The following DAP3 variants were observed in gnomAD, a reference collection of about 807,000 sequenced individuals.
DAP3 encodes small ribosomal subunit protein mS29.
A neutral mutation model predicts 51.9 loss-of-function variants in DAP3; 28 were observed. That is an observed-to-expected ratio of 0.54 (90% CI 0.40 to 0.74). The LOEUF (loss-of-function observed/expected upper bound fraction) is 0.74, where lower values mean the gene tolerates loss of function less well. Among genes scored for constraint, DAP3 ranks in the 30% least tolerant of loss-of-function variants. DAP3 has a pLI of 0.00. For synonymous variants in DAP3, 170 were observed against 170.3 expected, an observed-to-expected ratio of 1.00 and a Z score of 0.01; for missense variants, 458 against 483.5, an observed-to-expected ratio of 0.95 and a Z score of 0.49.
intron 1 of DAP3, among the ~76,000 whole-genome samples, chr1:155,700,169 T>A (rs1297129564): frequency 6.6e-6 from 1 of 152,030 alleles, no homozygotes; most frequent in Non-Finnish European, 1.5e-5. Context: ...TCTCTTGACT[T>A]CATGATCTGC....
intron 1 of DAP3, among the ~76,000 whole-genome samples, chr1:155,705,821 C>T (rs1423794565): frequency 6.6e-6 from 1 of 152,026 alleles, no homozygotes; most frequent in Non-Finnish European, 1.5e-5. Context: ...CCGCCTCAGC[C>T]TCCTGAGTAG....
At chr1:155,720,617 C>T (rs1201852256) in intron 3 of DAP3, among the ~76,000 whole-genome samples, 4 of 151,410 alleles carry the variant, frequency 2.6e-5, no homozygotes, top group African/African-American at 4.9e-5. Flanking sequence ...CATTACACTT[C>T]GGCCTGGGCA....
At chr1:155,721,844 C>T (rs1658059009) in intron 4 of DAP3, 1 of 530,418 alleles carries the variant, frequency 1.9e-6, no homozygotes, top group South Asian at 3.2e-5. Context: ...CCAGTAATTT[C>T]AGCATCAAAT....
intron 1 of DAP3, among the ~76,000 whole-genome samples, chr1:155,698,253 A>G (rs1654774761): frequency 6.6e-6 from 1 of 152,240 alleles, no homozygotes; most frequent in Non-Finnish European, 1.5e-5. Flanking sequence ...AGGAAATTAT[A>G]AGAGTATTGA....
At chr1:155,711,451 C>G (rs920884593) in intron 2 of DAP3, among the ~76,000 whole-genome samples, 1 of 152,058 alleles carries the variant, frequency 6.6e-6, no homozygotes, top group Non-Finnish European at 1.5e-5. Flanking sequence ...CAAGATCACG[C>G]CACTGCACTC....
At chr1:155,721,783 T>C (rs1325585593) in intron 4 of DAP3, 165 bp downstream of exon 4, 5 of 620,804 alleles carry the variant, frequency 8.1e-6, no homozygotes, top group Non-Finnish European at 1.4e-5. Context: ...TACTTTAAGC[T>C]CATGTTTAAA....
chr1:155,725,505 C>CTT lies in DAP3; in HGVS notation c.379+16_379+17insTT. 1 of 1,599,334 alleles carries CTT rather than the reference C, an allele frequency of 6.3e-7. No individual in the cohort carries two copies. Among genetic ancestry groups the CTT allele is most frequent in the Non-Finnish European group, 8.6e-7 (1 of 1,166,602 alleles). ...ATATCTTCTGTGTATCCTTTCCTGCCTGCGTGGACCCTCATGAACCAATGC... is the reference window on the plus strand; with the variant it reads ...ATATCTTCTGTGTATCCTTTCCTGCCTTTGCGTGGACCCTCATGAACCAATGC... On this transcript the variant is annotated intron_variant, in intron 5 of 12. Coordinates refer to ENST00000368336, the MANE Select transcript of DAP3 (RefSeq NM_004632.4).
intron 11 of DAP3, among the ~76,000 whole-genome samples, chr1:155,735,596 A>T (rs1246590077): frequency 6.6e-6 from 1 of 150,812 alleles, no homozygotes; most frequent in African/African-American, 2.5e-5. Context: ...GAAAAAAAAA[A>T]AAGAAATACA....
chr1:155,703,758 C>T (rs1256954174), intron 1 of DAP3, among the ~76,000 whole-genome samples: 1 of 152,154 alleles, frequency 6.6e-6, no homozygotes, highest in Non-Finnish European at 1.5e-5. Context: ...AGGATGGTCT[C>T]GATCTTCTGA....
At chr1:155,714,523 G>A (rs188050592) in intron 2 of DAP3, among the ~76,000 whole-genome samples, 3 of 152,306 alleles carry the variant, frequency 2.0e-5, no homozygotes, top group Admixed American at 1.3e-4. Flanking sequence ...CCAGCACTTT[G>A]GGAGGCTAAG....
intron 3 of DAP3, among the ~76,000 whole-genome samples, chr1:155,718,742 A>AGATAGATG (rs1657640360): frequency 1.4e-5 from 2 of 144,836 alleles, no homozygotes; most frequent in South Asian, 2.2e-4. Context: ...ATAGATAGAT[A>AGATAGATG]GATAGATATA....
rs759666299 is a variant in DAP3, at chr1:155,727,629, G to A, written c.494G>A (p.Cys165Tyr). The change falls in exon 7 of 13, where the codon TGT (cysteine) becomes TAT (tyrosine). Residue 165 changes from cysteine to tyrosine, a missense_variant. Coordinates refer to ENST00000368336, the MANE Select transcript of DAP3 (RefSeq NM_004632.4). ...IPDAHLWVKN[C>Y]RDLLQSSYNK... is the part of the protein sequence containing the mutation. ...AAAGCTCATCTTTGGGTGAAAAATT[G>A]TCGGGATCTTCTGCAGTCCAGCTAC... 6.2e-7 allele frequency: 1 copy of A among 1,612,506 alleles called. No homozygotes were observed. Among genetic ancestry groups the A allele is most frequent in the South Asian group, 1.1e-5 (1 of 90,780 alleles).
upstream of DAP3, chr1:155,688,971 C>T (rs749828251): frequency 6.2e-7 from 1 of 1,609,300 alleles, no homozygotes; most frequent in Non-Finnish European, 8.5e-7. Context: ...TCGCCTCCTC[C>T]TCCATGGGAC....
chr1:155,701,169 T>C (rs1655229590), intron 1 of DAP3, among the ~76,000 whole-genome samples: 1 of 110,310 alleles, frequency 9.1e-6, no homozygotes, highest in South Asian at 3.1e-4. Flanking sequence ...CCACCCCGTC[T>C]GGGAGGTGTG....
At chr1:155,712,350 CA>C (rs775858569) in intron 2 of DAP3, among the ~76,000 whole-genome samples, 35 of 152,088 alleles carry the variant, frequency 2.3e-4, no homozygotes, top group Non-Finnish European at 4.6e-4. Context: ...TGGTGGCTTA[CA>C]CCTGTAATCC....
Position 155,737,058 on chromosome 1 carries a change from A to G in DAP3, c.1106A>G (p.Glu369Gly). ...YYLENNWLQH[E>G]KAPTEEGKKE... ...TTGGAAAACAATTGGCTTCAACATG[A>G]GAAAGGTCCATCATTTAGTTTTTTC... Residue 369 changes from glutamate (E) to glycine (G), a missense_variant, in exon 12 of 13, where the codon GAG becomes GGG. By Grantham distance (98) the Glu-to-Gly change is moderately conservative. Coordinates refer to ENST00000368336, the MANE Select transcript of DAP3 (RefSeq NM_004632.4). The G allele has an allele frequency of 6.2e-7, 1 of 1,607,636 alleles. No homozygotes were observed. Among genetic ancestry groups the G allele is most frequent in the Non-Finnish European group, 8.5e-7 (1 of 1,174,274 alleles).
At chr1:155,708,416 A>T (rs1656256836) in intron 1 of DAP3, among the ~76,000 whole-genome samples, 1 of 152,022 alleles carries the variant, frequency 6.6e-6, no homozygotes, top group African/African-American at 2.4e-5. Flanking sequence ...TGCATTTTCA[A>T]CTTTGCAAAG....
intron 11 of DAP3, among the ~76,000 whole-genome samples, chr1:155,735,943 G>A (rs1344766573): frequency 6.7e-6 from 1 of 149,258 alleles, no homozygotes; most frequent in African/African-American, 2.5e-5. Context: ...CCGAGTTTAA[G>A]CAATTCTTCT....
At chr1:155,720,434 G>A (rs754249421) in intron 3 of DAP3, among the ~76,000 whole-genome samples, 11 of 149,590 alleles carry the variant, frequency 7.4e-5, no homozygotes, top group South Asian at 2.1e-4. Context: ...CTTGAGGTCG[G>A]GAGTTCAAGA....
Sources: allele counts gnomAD v4.1 joint callset (sites outside exome capture counted in the v4.1 genomes callset), GRCh38; gene constraint gnomAD v4.1.1; transcripts MANE v1.5; gene names NCBI Gene and HGNC (gene_info 2026-07-23, HGNC 2026-07-21).